Variants in TEX11 observed in about 807,000 individuals in gnomAD.
TEX11 encodes the protein testis-expressed protein 11.
Under a neutral mutation model 84.4 loss-of-function variants are expected in TEX11, and 7 were observed. The observed-to-expected ratio is 0.08, with a 90% CI of 0.05 to 0.16. TEX11 has a LOEUF of 0.16. Ranked by LOEUF, TEX11 falls within the 10% of genes least tolerant of loss-of-function variation. The probability of loss-of-function intolerance (pLI) is 1.00; values close to 1 mark genes in which losing one functional copy is unlikely to be tolerated. For synonymous variants in TEX11, 264 were observed against 222.8 expected, an observed-to-expected ratio of 1.18 and a Z score of -1.64; for missense variants, 551 against 660.5, an observed-to-expected ratio of 0.83 and a Z score of 1.82.
At chrX:70,642,721 C>T (rs1227242221) in intron 17 of TEX11, among the ~76,000 whole-genome samples, 5 of 68,641 alleles carry the variant, frequency 7.3e-5, no homozygotes, top group Non-Finnish European at 1.1e-4. Context: ...ATTCAACAAC[C>T]CTTCATGCTA....
At position 70,678,894 on chromosome X, in the gene TEX11, A is replaced by G; in HGVS notation, c.1157-5T>C. The G allele has an allele frequency of 7.8e-6, 2 of 257,885 alleles. No individual in the cohort carries two copies. Among genetic ancestry groups the G allele is most frequent in the Middle Eastern group, 1.5e-3 (1 of 683 alleles). The allele number at this position is 257,885 out of a possible 1,213,427, so 21.3% of individuals were successfully genotyped here. The stretch of plus-strand genomic sequence containing the variant: ...GTTGTCTTCCTGTTTGGTGAGCTGA[A>G]AAAAAAAAAAAGCTCTGAAAATAAG... On this transcript the variant is annotated splice_polypyrimidine_tract_variant and splice_region_variant and intron_variant, in intron 14 of 29. Transcript: ENST00000374333.
At chrX:70,838,996 C>G (rs1195069429) in intron 7 of TEX11, among the ~76,000 whole-genome samples, 1 of 112,637 alleles carries the variant, frequency 8.9e-6, no homozygotes, top group Admixed American at 9.4e-5. Flanking sequence ...AGCCGGGAAG[C>G]TCGAACTGGG....
chrX:70,834,763 CAA>C (rs750794196), intron 7 of TEX11, among the ~76,000 whole-genome samples: 9 of 43,285 alleles, frequency 2.1e-4, no homozygotes, highest in Admixed American at 3.0e-4. Flanking sequence ...GACTCTGTCA[CAA>C]AAAAAAAAAA....
chrX:70,641,657 C>T (rs1207286460), intron 17 of TEX11, among the ~76,000 whole-genome samples: 2 of 111,407 alleles, frequency 1.8e-5, no homozygotes, highest in Non-Finnish European at 3.8e-5. Flanking sequence ...ACAACCTGCT[C>T]CTCAATGACT....
intron 2 of TEX11, among the ~76,000 whole-genome samples, chrX:70,900,997 C>T (rs777055504): frequency 6.3e-5 from 7 of 111,293 alleles, no homozygotes; most frequent in Non-Finnish European, 1.3e-4. Flanking sequence ...AGGCAGATCG[C>T]TTGAGCTCAG....
chrX:70,907,674 G>A, intron 2 of TEX11, 79 bp downstream of exon 2: 2 of 809,282 alleles, frequency 2.5e-6, no homozygotes, highest in Non-Finnish European at 3.7e-6. Context: ...TTACAGGCGT[G>A]AGCCACCGCG....
chrX:70,862,313 T>C (rs1300683324), intron 4 of TEX11, among the ~76,000 whole-genome samples: 2 of 112,155 alleles, frequency 1.8e-5, no homozygotes, highest in Non-Finnish European at 3.8e-5. Flanking sequence ...ATAAAACATA[T>C]TCAAGTTTTA....
At chrX:70,897,165 T>TG (rs1394442031) in intron 2 of TEX11, among the ~76,000 whole-genome samples, 207 of 47,487 alleles carry the variant, frequency 4.4e-3, no homozygotes, top group African/African-American at 0.011. Flanking sequence ...AACATATATA[T>TG]TTTTATATAT....
intron 9 of TEX11, among the ~76,000 whole-genome samples, chrX:70,762,287 C>T: frequency 8.9e-6 from 1 of 112,068 alleles, no homozygotes; most frequent in Middle Eastern, 4.6e-3. Flanking sequence ...CTGTGGTGTG[C>T]AAACTACTTT....
At position 70,860,881 on chromosome X, in the gene TEX11, T is replaced by C. The variant is rs1179391655; in HGVS notation, c.300A>G (p.Glu100=). The C allele has an allele frequency of 4.2e-6, 5 of 1,192,640 alleles. No homozygotes were observed. In the African/African-American group the frequency reaches 7.1e-5, roughly 17 times the overall value. The change falls in exon 5 of 30, where the codon GAA becomes GAG. Residue 100 remains glutamate (E), a synonymous_variant. Transcript: ENST00000374333. The part of the protein sequence containing the change: ...LSMCEASFAS[E]QSIQRLIMMN... ...CCATAATCAGTCGTTGAATACTTTG[T>C]TCTGAGGCAAATGAGGCTTCACACA...
At chrX:70,703,508 A>G (rs1409149417) in intron 13 of TEX11, among the ~76,000 whole-genome samples, 2 of 110,845 alleles carry the variant, frequency 1.8e-5, no homozygotes, top group Non-Finnish European at 3.8e-5. Context: ...AACTTTCTCA[A>G]TTACACCTTC....
chrX:70,795,935 T>A (rs6525423), intron 9 of TEX11, among the ~76,000 whole-genome samples: 8,318 of 110,950 alleles, frequency 0.075, 278 homozygotes, highest in African/African-American at 0.12. Context: ...AACTCTTCAC[T>A]GTCCAGACAC....
chrX:70,810,398 G>T (rs2091245453), intron 8 of TEX11, among the ~76,000 whole-genome samples: 1 of 112,036 alleles, frequency 8.9e-6, no homozygotes, highest in Admixed American at 9.5e-5. Flanking sequence ...CAACCCAAAT[G>T]CCCATCAATG....
chrX:70,542,766 AAGTC>A (rs1474421632), intron 28 of TEX11, among the ~76,000 whole-genome samples: 2 of 112,387 alleles, frequency 1.8e-5, no homozygotes, highest in Non-Finnish European at 3.8e-5. Flanking sequence ...GTCATTAAAA[AAGTC>A]AGTCAAACAA....
the TEX11 span, among the ~76,000 whole-genome samples, chrX:70,519,814 C>G: frequency 9.0e-6 from 1 of 111,672 alleles, no homozygotes; most frequent in East Asian, 2.8e-4. Flanking sequence ...TTGTCTGTTT[C>G]TTTTTACTCT....
chrX:70,653,889 G>A (rs910647407), intron 16 of TEX11, among the ~76,000 whole-genome samples: 1 of 111,905 alleles, frequency 8.9e-6, no homozygotes, highest in Non-Finnish European at 1.9e-5. Context: ...AAAAGGACAT[G>A]AAGGAATCTT....
chrX:70,729,609 A>G (rs754691090), intron 11 of TEX11, among the ~76,000 whole-genome samples: 2 of 111,584 alleles, frequency 1.8e-5, no homozygotes, highest in East Asian at 2.8e-4. Flanking sequence ...AGTTTAGAGA[A>G]AAAAGAATAA....
chrX:70,784,946 T>C (rs2091067847), intron 9 of TEX11, among the ~76,000 whole-genome samples: 1 of 111,911 alleles, frequency 8.9e-6, no homozygotes, highest in Non-Finnish European at 1.9e-5. Flanking sequence ...AAGCTACCAA[T>C]GACTTTCTTC....
At chrX:70,574,214 C>T (rs1200801716) in intron 25 of TEX11, among the ~76,000 whole-genome samples, 1 of 111,855 alleles carries the variant, frequency 8.9e-6, no homozygotes, top group Non-Finnish European at 1.9e-5. Flanking sequence ...ATGCTCTTAG[C>T]AACATCCAAA....
Sources: gnomAD v4.1 joint callset for allele counts (sites outside exome capture counted in the v4.1 genomes callset) on GRCh38, gnomAD v4.1.1 for gene constraint, MANE v1.5 for transcripts, NCBI Gene and HGNC (gene_info 2026-07-23, HGNC 2026-07-21) for gene names.